The following ZNF561 variants were observed in gnomAD, a reference collection of about 807,000 sequenced individuals.
The protein encoded by ZNF561 is zinc finger protein 561.
Under a neutral mutation model 16.7 loss-of-function variants are expected in ZNF561, and 16 were observed. The ratio of observed to expected loss-of-function variants is 0.96; its 90% CI spans 0.65 to 1.45. The LOEUF (loss-of-function observed/expected upper bound fraction) is 1.45. Ranked by LOEUF, ZNF561 falls within the 40% of genes most tolerant of loss-of-function variation. ZNF561 has a pLI of 0.00. For missense variants in ZNF561, 580 were observed against 578.0 expected (o/e 1.00, Z -0.04); for synonymous variants, 190 against 192.1 (o/e 0.99, Z 0.09).
At position 9,610,243 on chromosome 19, in the gene ZNF561, C is replaced by T. The variant is rs2074420743; in HGVS notation, c.1418G>A (p.Gly473Glu). 6.2e-7 allele frequency: 1 copy of T among 1,611,426 alleles called. No homozygotes were observed. The highest frequency in any genetic ancestry group is 1.1e-5 in the South Asian group (1 of 90,854). ...ATCCTTGCATTCATAGGGTTTCTCC[C>T]CAGTGTGAATTCTTTCATGTCTACT... Reference protein sequence around the residue: ...RLSRHERIHTGEKPYECKDMS... With the variant: ...RLSRHERIHTEEKPYECKDMS... The change falls in exon 6 of 6, where the codon GGG becomes GAG. Residue 473 changes from glycine (G) to glutamate (E), a missense_variant. Coordinates refer to ENST00000302851, the MANE Select transcript of ZNF561 (RefSeq NM_152289.3).
chr19:9,616,750 C>T (rs1325205796), intron 4 of ZNF561, among the ~76,000 whole-genome samples: 1 of 151,954 alleles, frequency 6.6e-6, no homozygotes, highest in Non-Finnish European at 1.5e-5. Context: ...TGCCACTATG[C>T]CCACCTAATT....
At position 9,610,726 on chromosome 19, in the gene ZNF561, G is replaced by A; in HGVS notation, c.935C>T (p.Thr312Ile). 1.2e-6 allele frequency: 2 copies of A among 1,614,118 alleles called. No homozygotes were observed. The highest frequency in any genetic ancestry group is 1.3e-5 in the African/African-American group (1 of 75,036). The change falls in exon 6 of 6, where the codon ACT becomes ATT. Residue 312 changes from threonine (T) to isoleucine (I), a missense_variant. Thr to Ile is a moderately conservative substitution (Grantham distance 89). Transcript: ENST00000302851. Reference sequence around the variant, plus strand: ...TCTAGTGAAGGCTTTCCCACAGTAAGTACACTTGTGTGGTTTTATTCCAGT... The same window carrying A: ...TCTAGTGAAGGCTTTCCCACAGTAAATACACTTGTGTGGTTTTATTCCAGT... Reference protein sequence around the residue: ...IHTGIKPHKCTYCGKAFTRST... With the variant: ...IHTGIKPHKCIYCGKAFTRST...
intron 1 of ZNF561, among the ~76,000 whole-genome samples, chr19:9,619,850 T>TATCTATCTA (rs1304902373): frequency 1.4e-5 from 2 of 145,118 alleles, no homozygotes; most frequent in Non-Finnish European, 3.0e-5. Context: ...TATCTATCTA[T>TATCTATCTA]ATCTATCTAT....
chr19:9,614,917 C>T (rs1023816039), intron 4 of ZNF561, among the ~76,000 whole-genome samples: 2 of 151,474 alleles, frequency 1.3e-5, no homozygotes, highest in Middle Eastern at 3.4e-3. Context: ...TGGCTCAATG[C>T]AACCTCTGCC....
intron 4 of ZNF561, among the ~76,000 whole-genome samples, chr19:9,616,758 AT>A (rs2074561501): frequency 1.3e-5 from 2 of 150,978 alleles, no homozygotes; most frequent in African/African-American, 2.4e-5. Flanking sequence ...TGCCCACCTA[AT>A]TTTTTTGAAT....
At position 9,619,598 on chromosome 19, in the gene ZNF561, A is replaced by G. The variant is rs1599238244; in HGVS notation, c.-126-16T>C. 3.2e-6 allele frequency: 2 copies of G among 621,872 alleles called. No homozygotes were observed. Among genetic ancestry groups the G allele is most frequent in the African/African-American group, 3.8e-5 (2 of 52,848 alleles). 38.5% of individuals were successfully genotyped at this position (621,872 alleles called of 1,614,324 possible). ...ATTTGCGGTCCTGTTCATATCAATC[A>G]TCAAACAACAAGCATGAAACATCAG... is the stretch of plus-strand genomic sequence containing the variant. On this transcript the variant is annotated splice_polypyrimidine_tract_variant and intron_variant, in intron 1 of 5. Coordinates refer to ENST00000302851, the MANE Select transcript of ZNF561 (RefSeq NM_152289.3).
At chr19:9,617,224 T>G in intron 3 of ZNF561, 53 bp from the exon 4 acceptor site, 1 of 1,583,756 alleles carries the variant, frequency 6.3e-7, no homozygotes, top group African/African-American at 1.3e-5. Context: ...CCACCAATAT[T>G]CACTGGAGAA....
intron 4 of ZNF561, 37 bp from the exon 5 acceptor site, chr19:9,614,140 A>C: frequency 6.2e-7 from 1 of 1,605,920 alleles, no homozygotes; most frequent in Admixed American, 1.7e-5. Context: ...AAGGATTTAG[A>C]GAAGAAATAT....
rs764818744 is a variant in ZNF561 at position 9,611,249 on chromosome 19, T to C, written c.412A>G (p.Arg138Gly). Residue 138 changes from arginine to glycine, a missense_variant, in exon 6 of 6, where the codon AGA becomes GGA. Transcript: ENST00000302851. ...GAAGTATTCCCTCCATTCTGAACTC[T>C]CATGTGTGTCTTAAGGCAAAACTGT... ...REQFCLKTHMRVQNGGNTSEG... is the reference protein window; with the variant it reads ...REQFCLKTHMGVQNGGNTSEG... 9.9e-6 allele frequency: 16 copies of C among 1,613,896 alleles called. No homozygotes were observed. Among genetic ancestry groups the C allele is most frequent in the African/African-American group, 1.3e-5 (1 of 74,918 alleles).
intron 5 of ZNF561, among the ~76,000 whole-genome samples, chr19:9,613,192 T>A (rs998963751): frequency 6.6e-6 from 1 of 152,220 alleles, no homozygotes; most frequent in Non-Finnish European, 1.5e-5. Context: ...GTTATACAGA[T>A]ATGGAATATC....
At chr19:9,612,353 G>T (rs1599223169) in intron 5 of ZNF561, among the ~76,000 whole-genome samples, 1 of 152,138 alleles carries the variant, frequency 6.6e-6, no homozygotes, top group Non-Finnish European at 1.5e-5. Context: ...GCGAATAGCT[G>T]GGATTACAGG....
In ZNF561 at chr19:9,619,279, A is replaced by G; in HGVS notation, c.25+153T>C. 8.5e-6 allele frequency: 4 copies of G among 471,952 alleles called. No homozygotes were observed. In the South Asian group the frequency reaches 2.4e-4, roughly 28 times the overall value. The allele number at this position is 471,952 out of a possible 1,614,324, so 29.2% of individuals were successfully genotyped here. On this transcript the variant is annotated intron_variant, in intron 2 of 5. Coordinates refer to ENST00000302851, the MANE Select transcript of ZNF561 (RefSeq NM_152289.3). ...CTCAAAAATAAATAAATAAATAAAT[A>G]AATAATAAAACAGCATTCTGTTCTG...
At chr19:9,614,141 GA>G in intron 4 of ZNF561, 38 bp from the exon 5 acceptor site, 1 of 1,604,386 alleles carries the variant, frequency 6.2e-7, no homozygotes, top group East Asian at 2.2e-5. Context: ...AGGATTTAGA[GA>G]AGAAATATTC....
rs2074441253 is a variant in ZNF561, at chr19:9,610,926, T to A, written c.735A>T (p.Ala245=). 1 of 1,614,206 alleles carries A rather than the reference T, an allele frequency of 6.2e-7. No homozygotes were observed. The change falls in exon 6 of 6, where the codon GCA becomes GCT. Residue 245 remains alanine, a synonymous_variant. Transcript: ENST00000302851. ...TTTTGGATTTCTTTCCTGTATGAAC[T>A]GCTACACACTGCTTTAGGTGTGAAG... The part of the protein sequence containing the change: ...TASSHLKQCV[A]VHTGKKSKKT...
intron 4 of ZNF561, among the ~76,000 whole-genome samples, chr19:9,615,097 C>T (rs2074530848): frequency 6.6e-6 from 1 of 151,950 alleles, no homozygotes; most frequent in African/African-American, 2.4e-5. Context: ...ACCTCAGCCT[C>T]CCAAAGTGCT....
At chr19:9,618,263 C>T in intron 2 of ZNF561, 84 bp from the exon 3 acceptor site, 1 of 1,308,302 alleles carries the variant, frequency 7.6e-7, no homozygotes, top group Non-Finnish European at 1.1e-6. Context: ...TCCATCCTAG[C>T]TTGAAATTCC....
chr19:9,616,988 A>C, intron 4 of ZNF561, 57 bp downstream of exon 4: 1 of 1,536,378 alleles, frequency 6.5e-7, no homozygotes, highest in South Asian at 1.2e-5. Context: ...CAGCCTCCCA[A>C]GTATCTGGGA....
chr19:9,619,365 G>A (rs371803639), intron 2 of ZNF561, 67 bp downstream of exon 2: 114 of 1,555,464 alleles, frequency 7.3e-5, no homozygotes, highest in Admixed American at 6.2e-4. Context: ...TCAGCTCACT[G>A]GACGCTTGTG....
Position 9,611,052 on chromosome 19 carries a change from T to A in ZNF561, c.609A>T (p.Gly203=), listed in dbSNP as rs756433738. 5 of 1,614,162 alleles carry A rather than the reference T, an allele frequency of 3.1e-6. No individual in the cohort carries two copies. Among genetic ancestry groups the A allele is most frequent in the Non-Finnish European group, 4.2e-6 (5 of 1,180,034 alleles). The change falls in exon 6 of 6, where the codon GGA becomes GGT. Residue 203 remains glycine, a synonymous_variant. Transcript: ENST00000302851. ...ARQPYKCKEC[G]KGFKYFASLD... ...GGCTTGCAAAATACTTAAAGCCTTT[T>A]CCACATTCCTTACATTTGTAGGGTT...
Sources: allele counts gnomAD v4.1 joint callset (sites outside exome capture counted in the v4.1 genomes callset), GRCh38; gene constraint gnomAD v4.1.1; transcripts MANE v1.5; gene names NCBI Gene and HGNC (gene_info 2026-07-23, HGNC 2026-07-21).